The following CAMK1D variants were observed in gnomAD, a reference collection of about 807,000 sequenced individuals.
CAMK1D encodes the protein calcium/calmodulin dependent protein kinase ID, also known as calcium/calmodulin-dependent protein kinase type 1D.
A neutral mutation model predicts 47.7 loss-of-function variants in CAMK1D; 9 were observed. That is an observed-to-expected ratio of 0.19 (90% CI 0.11 to 0.33). The LOEUF is 0.33. Ranked by LOEUF, CAMK1D falls within the 10% of genes least tolerant of loss-of-function variation. The probability of loss-of-function intolerance (pLI) is 1.00; values close to 1 mark genes in which losing one functional copy is unlikely to be tolerated. For missense variants in CAMK1D, 291 were observed against 488.7 expected (o/e 0.60, Z 3.81); for synonymous variants, 184 against 184.9 (o/e 0.99, Z 0.04).
At chr10:12,530,451 G>A (rs1001179512) in intron 1 of CAMK1D, among the ~76,000 whole-genome samples, 1 of 152,194 alleles carries the variant, frequency 6.6e-6, no homozygotes, top group African/African-American at 2.4e-5. Flanking sequence ...GCATCATCCA[G>A]GTCTGACAGT....
At chr10:12,796,739 ATGAGCTTTG>A (rs1229754030) in intron 6 of CAMK1D, among the ~76,000 whole-genome samples, 1 of 152,120 alleles carries the variant, frequency 6.6e-6, no homozygotes, top group Non-Finnish European at 1.5e-5. Context: ...GCTTATATTC[ATGAGCTTTG>A]TGAGGTGGGG....
chr10:12,766,056 C>A (rs1178960216), intron 4 of CAMK1D, among the ~76,000 whole-genome samples: 3 of 150,874 alleles, frequency 2.0e-5, no homozygotes, highest in African/African-American at 7.3e-5. Context: ...ACCTCTGCCT[C>A]CCAGGTTCAA....
rs74430206 is a variant in CAMK1D, at chr10:12,758,924, G to A, written c.300-2024G>A. ...AGGCTGCTACTGGAAGGGGGCCTAT[G>A]TGGAAGGGCATAATCGTAACAGACG... On this transcript the variant is annotated intron_variant, in intron 3 of 10. Transcript: ENST00000619168. 2.2e-3 allele frequency among the ~76,000 whole-genome samples: 338 copies of A among 152,354 alleles called. 8 individuals are homozygous for A. In the East Asian group the frequency reaches 0.056, roughly 25 times the overall value.
intron 1 of CAMK1D, among the ~76,000 whole-genome samples, chr10:12,396,731 C>T (rs979339497): frequency 9.9e-5 from 15 of 152,230 alleles, no homozygotes; most frequent in Non-Finnish European, 4.4e-5. Context: ...GCCCTTCTCC[C>T]CGCAGCAGCT....
intron 6 of CAMK1D, among the ~76,000 whole-genome samples, chr10:12,798,540 G>T (rs540495797): frequency 6.6e-6 from 1 of 152,198 alleles, no homozygotes; most frequent in Admixed American, 6.5e-5. Context: ...AGGTTACAGC[G>T]ATCTGGGTTT....
chr10:12,395,811 C>T (rs1838925347), intron 1 of CAMK1D, among the ~76,000 whole-genome samples: 1 of 151,766 alleles, frequency 6.6e-6, no homozygotes, highest in South Asian at 2.1e-4. Context: ...CCGGTAGTTC[C>T]AGCTACTTAG....
intron 1 of CAMK1D, among the ~76,000 whole-genome samples, chr10:12,393,449 T>A (rs773007522): frequency 6.6e-6 from 1 of 152,058 alleles, no homozygotes; most frequent in Admixed American, 6.6e-5. Flanking sequence ...GTGTTATGGG[T>A]GAAAAGAATG....
At chr10:12,388,775 A>G (rs1036022359) in intron 1 of CAMK1D, among the ~76,000 whole-genome samples, 3 of 152,164 alleles carry the variant, frequency 2.0e-5, no homozygotes, top group African/African-American at 4.8e-5. Flanking sequence ...CTGTGTGGCA[A>G]TGCGAGGTTT....
intron 2 of CAMK1D, among the ~76,000 whole-genome samples, chr10:12,654,149 G>A (rs188667746): frequency 1.1e-3 from 166 of 152,332 alleles, no homozygotes; most frequent in African/African-American, 3.5e-3. Flanking sequence ...CAAGCCCAGC[G>A]TCTTCAATCT....
chr10:12,554,655 G>A (rs1477205359), intron 2 of CAMK1D, among the ~76,000 whole-genome samples: 2 of 151,828 alleles, frequency 1.3e-5, no homozygotes, highest in African/African-American at 4.8e-5. Flanking sequence ...TCCCACCTCT[G>A]GCTCCTGAGT....
chr10:12,814,940 G>A (rs1832740012), intron 7 of CAMK1D, among the ~76,000 whole-genome samples: 1 of 152,216 alleles, frequency 6.6e-6, no homozygotes, highest in African/African-American at 2.4e-5. Flanking sequence ...TGTTCTGGGA[G>A]CTCCAGGAGT....
chr10:12,372,926 T>C (rs1838046161), intron 1 of CAMK1D, among the ~76,000 whole-genome samples: 1 of 152,188 alleles, frequency 6.6e-6, no homozygotes, highest in African/African-American at 2.4e-5. Context: ...CCACTGTGCC[T>C]CATGGGAGTA....
rs988217625 is a variant in CAMK1D at position 12,511,865 on chromosome 10, G to C, written c.93-41360G>C. Among the ~76,000 whole-genome samples, 7 of 152,342 alleles carry C rather than the reference G, an allele frequency of 4.6e-5. No homozygotes were observed. In the South Asian group the frequency reaches 1.4e-3, roughly 32 times the overall value. ...TGTATAACCTCTCGCCAAGCCAGCG[G>C]CATCTCCAGCAGTGGGGAGTATGTA... is the stretch of plus-strand genomic sequence containing the variant. On this transcript the variant is annotated intron_variant, in intron 1 of 10. Transcript: ENST00000619168.
At chr10:12,363,523 T>C (rs1435882449) in intron 1 of CAMK1D, among the ~76,000 whole-genome samples, 1 of 152,210 alleles carries the variant, frequency 6.6e-6, no homozygotes, top group Admixed American at 6.6e-5. Flanking sequence ...CTCTCTCATG[T>C]ACTTTAAATC....
chr10:12,462,414 C>T (rs1445646888), intron 1 of CAMK1D, among the ~76,000 whole-genome samples: 2 of 151,784 alleles, frequency 1.3e-5, no homozygotes, highest in Non-Finnish European at 2.9e-5. Flanking sequence ...TCCGCCCACC[C>T]TGGCCTCCCA....
intron 1 of CAMK1D, among the ~76,000 whole-genome samples, chr10:12,427,596 TCTTGGAA>T (rs1434172181): frequency 6.6e-6 from 1 of 151,866 alleles, no homozygotes; most frequent in Non-Finnish European, 1.5e-5. Context: ...CCACTGGCCA[TCTTGGAA>T]CTTGGAACTT....
At chr10:12,708,922 T>G (rs1416131723) in intron 3 of CAMK1D, among the ~76,000 whole-genome samples, 1 of 152,190 alleles carries the variant, frequency 6.6e-6, no homozygotes, top group Non-Finnish European at 1.5e-5. Context: ...TTGAAGTCAG[T>G]GAGCCACCAC....
At chr10:12,524,576 G>A (rs1260550548) in intron 1 of CAMK1D, among the ~76,000 whole-genome samples, 6 of 151,954 alleles carry the variant, frequency 3.9e-5, no homozygotes, top group East Asian at 3.9e-4. Flanking sequence ...GTGTGATGGC[G>A]GGTACCTGTG....
At chr10:12,660,250 G>A (rs1840237419) in intron 2 of CAMK1D, among the ~76,000 whole-genome samples, 1 of 152,098 alleles carries the variant, frequency 6.6e-6, no homozygotes, top group Non-Finnish European at 1.5e-5. Context: ...TCTCTTTTGT[G>A]CTTTGCTTTT....
Sources: allele counts gnomAD v4.1 joint callset (sites outside exome capture counted in the v4.1 genomes callset), GRCh38; gene constraint gnomAD v4.1.1; transcripts MANE v1.5; gene names NCBI Gene and HGNC (gene_info 2026-07-23, HGNC 2026-07-21).